The following SIL1 variants were observed in gnomAD, a reference collection of about 807,000 sequenced individuals.
SIL1 encodes SIL1 nucleotide exchange factor.
SIL1 carries 40 observed loss-of-function variants against 49.1 expected under a neutral mutation model. The observed-to-expected ratio is 0.81, with a 90% CI of 0.63 to 1.06. The LOEUF (loss-of-function observed/expected upper bound fraction) is 1.06, where lower values mean the gene tolerates loss of function less well. SIL1 is among the 50% of genes least tolerant of loss of function. The pLI is 0.00. For synonymous variants in SIL1, 253 were observed against 250.8 expected (o/e 1.01, Z -0.08); for missense variants, 500 against 572.6 (o/e 0.87, Z 1.29).
At chr5:139,091,910 C>G (rs1277659084) in intron 3 of SIL1, among the ~76,000 whole-genome samples, 1 of 152,116 alleles carries the variant, frequency 6.6e-6, no homozygotes, top group East Asian at 1.9e-4. Context: ...TGCAATACAG[C>G]CCTGCAGATG....
At chr5:139,064,088 A>T (rs749578941) in intron 3 of SIL1, among the ~76,000 whole-genome samples, 5 of 152,180 alleles carry the variant, frequency 3.3e-5, no homozygotes, top group Non-Finnish European at 7.4e-5. Context: ...CTGTCATCAT[A>T]ATTGGCTCTT....
At chr5:139,173,090 T>C (rs745542075) in intron 1 of SIL1, among the ~76,000 whole-genome samples, 7 of 152,204 alleles carry the variant, frequency 4.6e-5, no homozygotes, top group Admixed American at 1.3e-4. Context: ...TGCAATATCA[T>C]GACATCAACA....
intron 3 of SIL1, among the ~76,000 whole-genome samples, chr5:139,078,908 T>C (rs112005561): frequency 0.02 from 3,023 of 152,344 alleles, 82 homozygotes; most frequent in African/African-American, 0.067. Flanking sequence ...CACTGTCCAA[T>C]AGAACTTTCT....
chr5:139,043,165 A>G (rs1769082442), intron 4 of SIL1, among the ~76,000 whole-genome samples: 1 of 152,216 alleles, frequency 6.6e-6, no homozygotes, highest in Admixed American at 6.5e-5. Flanking sequence ...CTAGAAGAGG[A>G]AAGACGCAGC....
chr5:139,096,522 C>A (rs1046946744), intron 3 of SIL1, among the ~76,000 whole-genome samples: 1 of 151,602 alleles, frequency 6.6e-6, no homozygotes, highest in Non-Finnish European at 1.5e-5. Context: ...CTAGGCTGCA[C>A]AACTCACAGC....
intron 7 of SIL1, among the ~76,000 whole-genome samples, chr5:138,985,094 G>C (rs1257721411): frequency 6.6e-6 from 1 of 152,238 alleles, no homozygotes; most frequent in Admixed American, 6.5e-5. Context: ...CATCCTAAGG[G>C]TGTGGCATGG....
chr5:139,041,884 G>C (rs934038661), intron 5 of SIL1, among the ~76,000 whole-genome samples: 9 of 151,766 alleles, frequency 5.9e-5, no homozygotes, highest in African/African-American at 2.2e-4. Context: ...GAGAACTTAG[G>C]TCTCTAAGGC....
intron 7 of SIL1, among the ~76,000 whole-genome samples, chr5:138,957,843 A>G (rs1355330387): frequency 6.6e-6 from 1 of 152,192 alleles, no homozygotes; most frequent in East Asian, 1.9e-4. Flanking sequence ...ACAGTAATCT[A>G]CAGATATTTA....
At chr5:139,056,531 C>T (rs1168245778) in intron 3 of SIL1, among the ~76,000 whole-genome samples, 29 of 150,946 alleles carry the variant, frequency 1.9e-4, no homozygotes, top group African/African-American at 5.8e-4. Flanking sequence ...CCAGCCGCCC[C>T]GTCCGGGAGG....
In SIL1 at chr5:138,951,214, G is replaced by A. The variant is rs537647261; in HGVS notation, c.986C>T (p.Ala329Val). The change falls in exon 9 of 10, where the codon GCC becomes GTC. Residue 329 changes from alanine (A) to valine (V), a missense_variant. By Grantham distance (64) the Ala-to-Val change is moderately conservative. Coordinates refer to ENST00000394817, the MANE Select transcript of SIL1 (RefSeq NM_022464.5). ...LVQEKGTEVL[A>V]VRVVTLLYDL... The stretch of plus-strand genomic sequence containing the variant: ...GTAGAGCAGTGTGACCACGCGCACG[G>A]CGAGCACCTCCGTGCCCTTCTCCTG... The A allele has an allele frequency of 1.9e-6, 3 of 1,609,654 alleles. No individual in the cohort carries two copies. The highest frequency in any genetic ancestry group is 2.7e-5 in the African/African-American group (2 of 74,860).
At chr5:139,033,590 A>T (rs1768840717) in intron 5 of SIL1, among the ~76,000 whole-genome samples, 1 of 150,308 alleles carries the variant, frequency 6.7e-6, no homozygotes, top group Non-Finnish European at 1.5e-5. Flanking sequence ...TTTTTTTTTA[A>T]CCTCCCCTGA....
intron 7 of SIL1, among the ~76,000 whole-genome samples, chr5:139,002,997 C>T (rs1236508828): frequency 6.6e-6 from 1 of 152,124 alleles, no homozygotes; most frequent in African/African-American, 2.4e-5. Flanking sequence ...TCAGGCCAAA[C>T]CTCTGAGTTA....
At chr5:139,014,210 A>C (rs1768346971) in intron 7 of SIL1, 1 of 152,080 alleles carries the variant, frequency 6.6e-6, no homozygotes, top group African/African-American at 2.4e-5. Flanking sequence ...TCTACTAAAA[A>C]TACAAAATTA....
chr5:138,978,878 G>A (rs932357231), intron 7 of SIL1, among the ~76,000 whole-genome samples: 3 of 151,890 alleles, frequency 2.0e-5, no homozygotes, highest in African/African-American at 7.3e-5. Context: ...TCTTTTTATT[G>A]TTGAATTGTA....
chr5:139,135,867 C>A (rs1280921438), intron 1 of SIL1, among the ~76,000 whole-genome samples: 1 of 152,018 alleles, frequency 6.6e-6, no homozygotes, highest in African/African-American at 2.4e-5. Flanking sequence ...GAGCTCGAGA[C>A]CAGCCTGGCC....
intron 7 of SIL1, among the ~76,000 whole-genome samples, chr5:138,975,137 A>G (rs2150395180): frequency 6.6e-6 from 1 of 152,296 alleles, no homozygotes; most frequent in East Asian, 1.9e-4. Context: ...TCATCTTGAA[A>G]TTACTGGATT....
At chr5:139,075,394 GGAAAA>G (rs2151767602) in intron 3 of SIL1, among the ~76,000 whole-genome samples, 1 of 152,270 alleles carries the variant, frequency 6.6e-6, no homozygotes, top group East Asian at 1.9e-4. Context: ...ACTCTATAGA[GGAAAA>G]GCAATAATCC....
intron 1 of SIL1, among the ~76,000 whole-genome samples, chr5:139,160,380 G>C (rs1319871338): frequency 6.6e-6 from 1 of 152,096 alleles, no homozygotes; most frequent in Admixed American, 6.5e-5. Context: ...ACTGAAAAGG[G>C]GCAGTAAAAG....
chr5:139,155,225 G>T (rs1751382844), intron 1 of SIL1: 1 of 152,164 alleles, frequency 6.6e-6, no homozygotes, highest in African/African-American at 2.4e-5. Context: ...GCACAAGTGG[G>T]TATGAGCTGG....
Sources: allele counts gnomAD v4.1 joint callset (sites outside exome capture counted in the v4.1 genomes callset), GRCh38; gene constraint gnomAD v4.1.1; transcripts MANE v1.5; gene names NCBI Gene and HGNC (gene_info 2026-07-23, HGNC 2026-07-21).